EYS: variants seen among roughly 807,000 people sequenced by gnomAD.
The protein encoded by EYS is EGF-like photoreceptor maintenance factor.
A neutral mutation model predicts 282.1 loss-of-function variants in EYS; 250 were observed. The ratio of observed to expected loss-of-function variants is 0.89; its 90% CI spans 0.80 to 0.98. EYS has a LOEUF of 0.98. EYS is among the 50% of genes least tolerant of loss of function. The pLI, the probability that EYS is intolerant of heterozygous loss-of-function variation, is 0.00. For synonymous variants in EYS, 1,355 were observed against 1,282.9 expected, an observed-to-expected ratio of 1.06 and a Z score of -1.20; for missense variants, 4,016 against 3,709.0, an observed-to-expected ratio of 1.08 and a Z score of -2.15.
intron 35 of EYS, among the ~76,000 whole-genome samples, chr6:63,969,819 A>G (rs1766470594): frequency 6.6e-6 from 1 of 152,026 alleles, no homozygotes; most frequent in South Asian, 2.1e-4. Context: ...CATTACAACA[A>G]CTTTTGACTC....
chr6:64,864,108 G>A (rs1766336387), intron 19 of EYS, among the ~76,000 whole-genome samples: 1 of 151,952 alleles, frequency 6.6e-6, no homozygotes, highest in African/African-American at 2.4e-5. Context: ...GGTTTTATTT[G>A]TATACAGCAG....
chr6:65,465,120 G>A (rs1030097739), intron 5 of EYS, among the ~76,000 whole-genome samples: 4 of 152,072 alleles, frequency 2.6e-5, no homozygotes, highest in African/African-American at 7.2e-5. Context: ...AACATACAAT[G>A]TCTATAAAAT....
chr6:65,137,536 G>C (rs1283338899), intron 12 of EYS, among the ~76,000 whole-genome samples: 1 of 151,992 alleles, frequency 6.6e-6, no homozygotes, highest in Non-Finnish European at 1.5e-5. Context: ...TTTGTAGACT[G>C]GAAAATTTTG....
intron 33 of EYS, among the ~76,000 whole-genome samples, chr6:64,040,491 GTAT>G (rs1770339083): frequency 6.6e-6 from 1 of 152,058 alleles, no homozygotes; most frequent in Non-Finnish European, 1.5e-5. Context: ...TTTAAATTTT[GTAT>G]TATTTGGAAC....
chr6:65,369,399 A>C (rs968718481), intron 8 of EYS, among the ~76,000 whole-genome samples: 3 of 148,802 alleles, frequency 2.0e-5, no homozygotes, highest in African/African-American at 4.9e-5. Context: ...GAAAATAACA[A>C]GAAAACAATT....
chr6:63,973,415 TA>T (rs1220978926), intron 35 of EYS, among the ~76,000 whole-genome samples: 1 of 152,154 alleles, frequency 6.6e-6, no homozygotes, highest in Non-Finnish European at 1.5e-5. Flanking sequence ...TAAACTTTAT[TA>T]TTTGTGATGA....
intron 33 of EYS, among the ~76,000 whole-genome samples, chr6:64,010,640 T>G (rs1562148653): frequency 1.3e-5 from 2 of 152,186 alleles, no homozygotes; most frequent in Non-Finnish European, 2.9e-5. Context: ...CCATTTTGAA[T>G]GGGAGGTATG....
At chr6:63,903,823 C>G (rs528702622) in intron 35 of EYS, among the ~76,000 whole-genome samples, 1 of 152,232 alleles carries the variant, frequency 6.6e-6, no homozygotes, top group South Asian at 2.1e-4. Flanking sequence ...TCAGGTGAGG[C>G]AGATTAGAAA....
At chr6:64,626,342 A>T (rs1767609873) in intron 22 of EYS, 97 bp from the exon 23 acceptor site, 1 of 1,415,230 alleles carries the variant, frequency 7.1e-7, no homozygotes, top group Non-Finnish European at 9.3e-7. Context: ...GTGTTTTCAG[A>T]GCTCCAACAA....
intron 31 of EYS, among the ~76,000 whole-genome samples, chr6:64,194,309 T>A (rs957025666): frequency 6.6e-6 from 1 of 152,214 alleles, no homozygotes; most frequent in Admixed American, 6.5e-5. Context: ...TCTGAGTTTG[T>A]CCTGCTATTT....
intron 33 of EYS, among the ~76,000 whole-genome samples, chr6:64,059,414 G>C (rs1157803295): frequency 1.3e-5 from 2 of 152,126 alleles, no homozygotes; most frequent in Non-Finnish European, 1.5e-5. Flanking sequence ...ACAGAGTCAA[G>C]TCACTTCAAA....
chr6:64,541,732 T>C (rs1373044318), intron 26 of EYS, among the ~76,000 whole-genome samples: 2 of 152,214 alleles, frequency 1.3e-5, no homozygotes, highest in Admixed American at 6.5e-5. Context: ...GCTTACTTCA[T>C]CCTACTGAGA....
chr6:65,267,507 AC>A (rs1349446937), intron 12 of EYS, among the ~76,000 whole-genome samples: 2 of 151,992 alleles, frequency 1.3e-5, no homozygotes, highest in Non-Finnish European at 2.9e-5. Context: ...ATGGGGTTTC[AC>A]CCTAGATCTG....
At chr6:64,684,309 C>T (rs1770008259) in intron 22 of EYS, among the ~76,000 whole-genome samples, 1 of 152,032 alleles carries the variant, frequency 6.6e-6, no homozygotes, top group African/African-American at 2.4e-5. Flanking sequence ...ATATGTTATC[C>T]ATCAAAAATA....
chr6:64,396,173 T>G (rs1186956749), intron 28 of EYS, among the ~76,000 whole-genome samples: 1 of 152,078 alleles, frequency 6.6e-6, no homozygotes, highest in Non-Finnish European at 1.5e-5. Flanking sequence ...AGTTTATTTA[T>G]TTTCAAGATA....
At chr6:65,327,879 T>A (rs976836231) in intron 11 of EYS, among the ~76,000 whole-genome samples, 2 of 151,522 alleles carry the variant, frequency 1.3e-5, no homozygotes, top group African/African-American at 4.8e-5. Flanking sequence ...TCAAGTAGGA[T>A]GATGTATTTT....
intron 22 of EYS, among the ~76,000 whole-genome samples, chr6:64,762,730 TA>T (rs1675858895): frequency 6.6e-6 from 1 of 152,010 alleles, no homozygotes; most frequent in Non-Finnish European, 1.5e-5. Context: ...CCCTCATAGA[TA>T]GGAAAGTGTT....
intron 35 of EYS, among the ~76,000 whole-genome samples, chr6:63,908,184 ATATCAAATG>A (rs937123356): frequency 6.6e-6 from 1 of 151,668 alleles, no homozygotes; most frequent in Admixed American, 6.6e-5. Context: ...ACAAGTGCAG[ATATCAAATG>A]TTTAACAAGC....
intron 29 of EYS, among the ~76,000 whole-genome samples, chr6:64,345,162 C>T (rs1158598829): frequency 6.6e-6 from 1 of 151,268 alleles, no homozygotes; most frequent in African/African-American, 2.4e-5. Flanking sequence ...CCCCATCAAG[C>T]TACCAATGAC....
Sources: allele counts gnomAD v4.1 joint callset (sites outside exome capture counted in the v4.1 genomes callset), GRCh38; gene constraint gnomAD v4.1.1; transcripts MANE v1.5; gene names NCBI Gene and HGNC (gene_info 2026-07-23, HGNC 2026-07-21).